The following CNST variants were observed in gnomAD, a reference collection of about 807,000 sequenced individuals.
CNST encodes consortin.
A neutral mutation model predicts 72.4 loss-of-function variants in CNST; 39 were observed. The ratio of observed to expected loss-of-function variants is 0.54; its 90% CI spans 0.42 to 0.70. The LOEUF is 0.70. Ranked by LOEUF, CNST falls within the 30% of genes least tolerant of loss-of-function variation. The probability of loss-of-function intolerance (pLI) is 0.00; values close to 1 mark genes in which losing one functional copy is unlikely to be tolerated. For missense variants in CNST, 871 were observed against 868.5 expected, an observed-to-expected ratio of 1.00 and a Z score of -0.04; for synonymous variants, 332 against 320.1, an observed-to-expected ratio of 1.04 and a Z score of -0.40.
In CNST at chr1:246,621,488, T is replaced by G; in HGVS notation, c.439T>G (p.Tyr147Asp). Reference protein sequence around the residue: ...MQEKVLSAVTYAVDDEEAAEV... With the variant: ...MQEKVLSAVTDAVDDEEAAEV... ...AGAAAAAGTACTAAGCGCAGTCACA[T>G]ATGCTGTTGATGATGAAGAAGCTGC... Residue 147 changes from tyrosine to aspartate, a missense_variant, in exon 3 of 11, where the codon TAT (tyrosine) becomes GAT (aspartate). Coordinates refer to ENST00000366513, the MANE Select transcript of CNST (RefSeq NM_152609.3). 1 of 1,614,180 alleles carries G rather than the reference T, an allele frequency of 6.2e-7. No individual in the cohort carries two copies.
intron 3 of CNST, among the ~76,000 whole-genome samples, chr1:246,631,119 A>T (rs983294598): frequency 3.9e-5 from 6 of 152,206 alleles, no homozygotes; most frequent in African/African-American, 1.4e-4. Flanking sequence ...TCTGTTCATA[A>T]ATGTCATATC....
intron 6 of CNST, among the ~76,000 whole-genome samples, chr1:246,639,360 A>G (rs966192739): frequency 1.3e-5 from 2 of 152,156 alleles, no homozygotes; most frequent in Non-Finnish European, 2.9e-5. Flanking sequence ...GAGCAAAGGA[A>G]GGAACCCAGA....
At chr1:246,581,665 T>C (rs145982107) in intron 1 of CNST, among the ~76,000 whole-genome samples, 71 of 152,388 alleles carry the variant, frequency 4.7e-4, no homozygotes, top group African/African-American at 1.7e-3. Context: ...CTAGAGGACA[T>C]TGCATTTTAC....
At chr1:246,625,712 G>T (rs563836600) in intron 3 of CNST, among the ~76,000 whole-genome samples, 1 of 151,990 alleles carries the variant, frequency 6.6e-6, no homozygotes, top group South Asian at 2.1e-4. Flanking sequence ...GAGCCACTGC[G>T]CCCGGCCTAA....
chr1:246,655,070 C>T (rs1666699752), intron 9 of CNST, among the ~76,000 whole-genome samples: 1 of 152,098 alleles, frequency 6.6e-6, no homozygotes, highest in South Asian at 2.1e-4. Flanking sequence ...ATTTTCTGGG[C>T]CTTAAAAATG....
chr1:246,594,120 G>A, intron 2 of CNST, among the ~76,000 whole-genome samples: 1 of 152,062 alleles, frequency 6.6e-6, no homozygotes, highest in East Asian at 1.9e-4. Context: ...TTAAGATTGT[G>A]AGTCCTTTTA....
intron 4 of CNST, among the ~76,000 whole-genome samples, chr1:246,633,650 G>C (rs1395799304): frequency 4.0e-5 from 6 of 151,838 alleles, no homozygotes; most frequent in Admixed American, 1.3e-4. Flanking sequence ...GGCTGAGGCA[G>C]GAGAATCGCT....
intron 2 of CNST, among the ~76,000 whole-genome samples, chr1:246,604,700 G>A (rs560516980): frequency 1.2e-4 from 18 of 152,150 alleles, no homozygotes; most frequent in African/African-American, 4.3e-4. Flanking sequence ...TTGCACTCTT[G>A]CTGTATTGCT....
chr1:246,577,484 G>A (rs1440585613), intron 1 of CNST, among the ~76,000 whole-genome samples: 2 of 152,036 alleles, frequency 1.3e-5, no homozygotes, highest in Non-Finnish European at 2.9e-5. Context: ...TTACTCTACT[G>A]TTGTTCAGAC....
At chr1:246,634,918 TG>T (rs1334182343) in intron 6 of CNST, among the ~76,000 whole-genome samples, 1 of 151,782 alleles carries the variant, frequency 6.6e-6, no homozygotes, top group African/African-American at 2.4e-5. Flanking sequence ...AACGGCTACG[TG>T]GTACCTGGAT....
chr1:246,641,462 A>G (rs570544872), intron 6 of CNST, among the ~76,000 whole-genome samples: 28 of 152,202 alleles, frequency 1.8e-4, no homozygotes, highest in Non-Finnish European at 3.5e-4. Context: ...CGTCTTTATT[A>G]GCAAAAGGTT....
At chr1:246,575,119 G>A (rs971783729) in intron 1 of CNST, among the ~76,000 whole-genome samples, 6 of 152,050 alleles carry the variant, frequency 3.9e-5, no homozygotes, top group African/African-American at 4.8e-5. Flanking sequence ...TCAGCCTCCC[G>A]AGTAGCTGGG....
At chr1:246,587,155 A>C (rs1413769707) in intron 1 of CNST, among the ~76,000 whole-genome samples, 1 of 152,194 alleles carries the variant, frequency 6.6e-6, no homozygotes, top group African/African-American at 2.4e-5. Flanking sequence ...AAAGAGATGG[A>C]GTCTTGCTAT....
chr1:246,635,414 T>A (rs12734721), intron 6 of CNST, among the ~76,000 whole-genome samples: 41,437 of 150,768 alleles, frequency 0.27, 6,380 homozygotes, highest in East Asian at 0.67. Context: ...GCGTTTTAAA[T>A]CCCCCTAAAT....
At chr1:246,585,666 T>A (rs12116423) in intron 1 of CNST, among the ~76,000 whole-genome samples, 2 of 101,598 alleles carry the variant, frequency 2.0e-5, no homozygotes, top group East Asian at 2.9e-4. Flanking sequence ...AAAAAAAATA[T>A]ACACACACAC....
intron 10 of CNST, among the ~76,000 whole-genome samples, chr1:246,661,257 T>C (rs188778833): frequency 6.6e-6 from 1 of 152,228 alleles, no homozygotes; most frequent in African/African-American, 2.4e-5. Context: ...ATTACAGGTG[T>C]GAGCCACCGC....
intron 10 of CNST, among the ~76,000 whole-genome samples, chr1:246,663,517 A>G (rs2103174763): frequency 6.6e-6 from 1 of 151,786 alleles, no homozygotes; most frequent in South Asian, 2.1e-4. Context: ...AAGGCGGGCA[A>G]ATCACCTGAG....
Position 246,647,569 on chromosome 1 carries a change from G to A in CNST, c.1368G>A (p.Gln456=), listed in dbSNP as rs2103134273. ...CTGAGGGTAAATATTCACAGGCTCA[G>A]AGGAAAGAACTCCGTTTGCCACTTC... ...LISEGKYSQA[Q]RKELRLPLRD... The change falls in exon 9 of 11, where the codon CAG becomes CAA. Residue 456 remains glutamine, a synonymous_variant. Transcript: ENST00000366513. 1 of 1,614,200 alleles carries A rather than the reference G, an allele frequency of 6.2e-7. No homozygotes were observed. Among genetic ancestry groups the A allele is most frequent in the Admixed American group, 1.7e-5 (1 of 60,012 alleles).
intron 2 of CNST, among the ~76,000 whole-genome samples, chr1:246,614,526 T>TCC (rs1558559252): frequency 6.6e-6 from 1 of 151,956 alleles, no homozygotes. Flanking sequence ...TTTTTTTTTT[T>TCC]TTTGGAGACA....
Sources: allele counts gnomAD v4.1 joint callset (sites outside exome capture counted in the v4.1 genomes callset), GRCh38; gene constraint gnomAD v4.1.1; transcripts MANE v1.5; gene names NCBI Gene and HGNC (gene_info 2026-07-23, HGNC 2026-07-21).